Variants in UPP2 observed in about 807,000 individuals in gnomAD.
The protein encoded by UPP2 is uridine phosphorylase 2.
UPP2 carries 23 observed loss-of-function variants against 26.7 expected under a neutral mutation model. The ratio of observed to expected loss-of-function variants is 0.86; its 90% CI spans 0.62 to 1.22. The LOEUF (loss-of-function observed/expected upper bound fraction) is 1.22, where lower values mean the gene tolerates loss of function less well. Ranked by LOEUF, UPP2 falls within the 50% of genes most tolerant of loss-of-function variation. The pLI is 0.00. For synonymous variants in UPP2, 127 were observed against 141.3 expected, an observed-to-expected ratio of 0.90 and a Z score of 0.72; for missense variants, 387 against 396.7, an observed-to-expected ratio of 0.98 and a Z score of 0.21.
At chr2:158,125,845 G>A (rs943620320) in intron 6 of UPP2, among the ~76,000 whole-genome samples, 3 of 152,182 alleles carry the variant, frequency 2.0e-5, no homozygotes, top group African/African-American at 7.2e-5. Flanking sequence ...AGGGACACCT[G>A]GATTCAGATG....
chr2:158,133,100 C>T (rs1683858410), intron 6 of UPP2, among the ~76,000 whole-genome samples: 1 of 152,080 alleles, frequency 6.6e-6, no homozygotes, highest in African/African-American at 2.4e-5. Context: ...TCACAACAGC[C>T]AAGATATGGA....
intron 3 of UPP2, among the ~76,000 whole-genome samples, chr2:158,066,868 A>C (rs985020080): frequency 1.3e-5 from 2 of 152,070 alleles, no homozygotes; most frequent in Non-Finnish European, 2.9e-5. Flanking sequence ...TTTTAGCAAA[A>C]TTTTGCCTTT....
chr2:158,027,023 C>T (rs1051771777), intron 3 of UPP2, among the ~76,000 whole-genome samples: 1 of 152,164 alleles, frequency 6.6e-6, no homozygotes, highest in African/African-American at 2.4e-5. Flanking sequence ...TCTCACAACA[C>T]TTGTGAATCA....
intron 3 of UPP2, among the ~76,000 whole-genome samples, chr2:158,116,643 C>T (rs969000265): frequency 6.6e-6 from 1 of 152,068 alleles, no homozygotes; most frequent in Non-Finnish European, 1.5e-5. Context: ...TTTATCAATG[C>T]GTAACATAAT....
chr2:158,113,787 G>A (rs1373131977), intron 2 of UPP2, among the ~76,000 whole-genome samples: 1 of 152,150 alleles, frequency 6.6e-6, no homozygotes, highest in Non-Finnish European at 1.5e-5. Context: ...GTCCAATGCT[G>A]CCTACATCAG....
chr2:158,054,035 C>T, intron 3 of UPP2, among the ~76,000 whole-genome samples: 1 of 152,132 alleles, frequency 6.6e-6, no homozygotes. Context: ...CAAAAGGAGA[C>T]CGAGGTGGGT....
chr2:158,004,285 G>T (rs1384464287), intron 2 of UPP2, among the ~76,000 whole-genome samples: 1 of 151,894 alleles, frequency 6.6e-6, no homozygotes, highest in Non-Finnish European at 1.5e-5. Context: ...GCCTTAGTAT[G>T]TCATCTGCTG....
At chr2:157,995,328 G>A in intron 2 of UPP2, 5 of 1,538,050 alleles carry the variant, frequency 3.3e-6, no homozygotes, top group Non-Finnish European at 4.5e-6. Context: ...CCAAGTCTCA[G>A]TACAAATTAA....
intron 4 of UPP2, 64 bp downstream of exon 4, chr2:158,118,002 A>C (rs889090091): frequency 5.9e-6 from 8 of 1,364,868 alleles, no homozygotes; most frequent in African/African-American, 1.4e-5. Context: ...AGCTGCCAAA[A>C]TATAACATCC....
rs544702495 is a variant in UPP2 at position 158,107,233 on chromosome 2, T to C, written c.180+1017T>C. 3.3e-5 allele frequency among the ~76,000 whole-genome samples: 5 copies of C among 152,356 alleles called. No homozygotes were observed. In the South Asian group the frequency reaches 8.3e-4, roughly 25 times the overall value. On this transcript the variant is annotated intron_variant, in intron 2 of 6. Coordinates refer to ENST00000005756, the MANE Select transcript of UPP2 (RefSeq NM_173355.4). ...CTGTATCTATTTACAGTTGCACTAA[T>C]GGAGAATCGCGCTGTTTTCATCTGA...
intron 2 of UPP2, among the ~76,000 whole-genome samples, chr2:158,110,937 A>G (rs1683306513): frequency 6.6e-6 from 1 of 151,882 alleles, no homozygotes; most frequent in Non-Finnish European, 1.5e-5. Flanking sequence ...GATTGCAAAA[A>G]TTTTCTCCCA....
intron 3 of UPP2, among the ~76,000 whole-genome samples, chr2:158,047,947 AG>A (rs1182784235): frequency 2.0e-5 from 3 of 152,178 alleles, no homozygotes; most frequent in African/African-American, 7.2e-5. Flanking sequence ...CTCCCGTCAC[AG>A]CTCAAAATCT....
intron 2 of UPP2, among the ~76,000 whole-genome samples, chr2:157,997,960 T>A (rs1683347858): frequency 6.6e-6 from 1 of 152,230 alleles, no homozygotes; most frequent in Non-Finnish European, 1.5e-5. Flanking sequence ...TTCAAGACTT[T>A]GCTAATAAAT....
chr2:158,055,396 T>C (rs979973818), intron 3 of UPP2, among the ~76,000 whole-genome samples: 1 of 152,280 alleles, frequency 6.6e-6, no homozygotes, highest in Middle Eastern at 3.4e-3. Flanking sequence ...TATTGTTACA[T>C]TGGGGATTAA....
chr2:158,003,714 TAAAA>T (rs5835683), intron 2 of UPP2, among the ~76,000 whole-genome samples: 2 of 132,122 alleles, frequency 1.5e-5, no homozygotes, highest in African/African-American at 5.6e-5. Flanking sequence ...TCTCAAAAAA[TAAAA>T]AAAAAAAAAA....
intron 3 of UPP2, among the ~76,000 whole-genome samples, chr2:158,045,024 T>C (rs1574260923): frequency 6.6e-6 from 1 of 152,264 alleles, no homozygotes; most frequent in Non-Finnish European, 1.5e-5. Flanking sequence ...TCCTATTCTT[T>C]GCAATTTTCC....
intron 3 of UPP2, among the ~76,000 whole-genome samples, chr2:158,080,766 T>C (rs1056325390): frequency 9.9e-5 from 15 of 152,084 alleles, no homozygotes; most frequent in Admixed American, 4.6e-4. Flanking sequence ...GTGCCCTCAT[T>C]AGTGTGGGAA....
At chr2:158,027,801 T>C (rs1345111768) in intron 3 of UPP2, among the ~76,000 whole-genome samples, 1 of 152,210 alleles carries the variant, frequency 6.6e-6, no homozygotes, top group Non-Finnish European at 1.5e-5. Context: ...AGGCGGAGGT[T>C]TCCAAACCCC....
rs1318242010 is a variant in UPP2, at chr2:158,023,237, G to GGGT, written c.147+7353_147+7354insTGG. On this transcript the variant is annotated intron_variant, in intron 3 of 9. Coordinates refer to the UPP2 transcript ENST00000605860. ...CATGGGGTTGCTGTCAGTTGGGGGG[G>GGGT]GGCATTTGGAAGGCTTTCAGTCCAG... Among the ~76,000 whole-genome samples, 11 of 141,242 alleles carry GGGT rather than the reference G, an allele frequency of 7.8e-5. 1 individual carries two copies. In the East Asian group the frequency reaches 1.9e-3, roughly 24 times the overall value. 92.7% of individuals were successfully genotyped at this position (141,242 alleles called of 152,430 possible).
Sources: allele counts gnomAD v4.1 joint callset (sites outside exome capture counted in the v4.1 genomes callset), GRCh38; gene constraint gnomAD v4.1.1; transcripts MANE v1.5; gene names NCBI Gene and HGNC (gene_info 2026-07-23, HGNC 2026-07-21).